The following NHEJ1 variants were observed in gnomAD, a reference collection of about 807,000 sequenced individuals.
The protein encoded by NHEJ1 is non-homologous end joining factor 1.
NHEJ1 carries 22 observed loss-of-function variants against 39.4 expected under a neutral mutation model. The ratio of observed to expected loss-of-function variants is 0.56; its 90% CI spans 0.40 to 0.80. The LOEUF (loss-of-function observed/expected upper bound fraction) is 0.80. NHEJ1 is among the 30% of genes least tolerant of loss of function. NHEJ1 has a pLI of 0.00. For synonymous variants in NHEJ1, 154 were observed against 135.6 expected (o/e 1.14, Z -0.94); for missense variants, 329 against 357.1 (o/e 0.92, Z 0.63).
intron 5 of NHEJ1, among the ~76,000 whole-genome samples, chr2:219,143,217 T>C (rs1949707671): frequency 6.6e-6 from 1 of 152,176 alleles, no homozygotes; most frequent in Non-Finnish European, 1.5e-5. Context: ...TGATGGCACA[T>C]CCTTTCAGTT....
chr2:219,153,693 G>C (rs1374228085), intron 3 of NHEJ1, among the ~76,000 whole-genome samples: 3 of 57,420 alleles, frequency 5.2e-5, no homozygotes, highest in South Asian at 5.7e-4. Context: ...AGAAAGAAAA[G>C]GGGGGGGGGG....
chr2:219,153,945 G>A (rs907100318), intron 3 of NHEJ1, among the ~76,000 whole-genome samples: 5 of 152,248 alleles, frequency 3.3e-5, no homozygotes, highest in Admixed American at 2.0e-4. Context: ...AATATTCCTT[G>A]ACCCAGCCAT....
intron 5 of NHEJ1, among the ~76,000 whole-genome samples, chr2:219,123,929 G>A (rs1949493744): frequency 6.6e-6 from 1 of 152,198 alleles, no homozygotes; most frequent in Non-Finnish European, 1.5e-5. Context: ...AATACTTGAA[G>A]TTTTATTAGT....
chr2:219,071,481 A>T lies in NHEJ1; in HGVS notation c.*4900T>A, dbSNP rs1559183401. Among the ~76,000 whole-genome samples, 1 of 152,376 alleles carries T rather than the reference A, an allele frequency of 6.6e-6. No homozygotes were observed. Among genetic ancestry groups the T allele is most frequent in the East Asian group, 1.9e-4 (1 of 5,192 alleles). ...ATTATAGGATCTGATTAACCATGTT[A>T]GACAACAATGCCGAGCTGGGATGGG... On this transcript the variant is annotated 3_prime_UTR_variant, in exon 8 of 8. Transcript: ENST00000356853.
At chr2:219,153,005 G>C (rs1415404464) in intron 3 of NHEJ1, among the ~76,000 whole-genome samples, 1 of 151,946 alleles carries the variant, frequency 6.6e-6, no homozygotes, top group Non-Finnish European at 1.5e-5. Context: ...GTTTCGCTAT[G>C]TTGGCCAGGC....
rs1195771768 is a variant in NHEJ1 at position 219,074,683 on chromosome 2, A to G, written c.*1698T>C. ...CTTGAACACAGGAGGTGGAGTTTGCAGTGAGCCAAAATTGTGCGATTGTAC... is the reference window on the plus strand; with the variant it reads ...CTTGAACACAGGAGGTGGAGTTTGCGGTGAGCCAAAATTGTGCGATTGTAC... On this transcript the variant is annotated 3_prime_UTR_variant, in exon 8 of 8. Coordinates refer to ENST00000356853, the MANE Select transcript of NHEJ1 (RefSeq NM_024782.3). Among the ~76,000 whole-genome samples, 1 of 151,942 alleles carries G rather than the reference A, an allele frequency of 6.6e-6. No homozygotes were observed. Among genetic ancestry groups the G allele is most frequent in the Non-Finnish European group, 1.5e-5 (1 of 68,010 alleles).
intron 5 of NHEJ1, among the ~76,000 whole-genome samples, chr2:219,088,618 G>T (rs1186678781): frequency 2.0e-5 from 3 of 152,182 alleles, no homozygotes; most frequent in Admixed American, 6.5e-5. Flanking sequence ...TAGAAGTCAG[G>T]ATAGTGTAGT....
chr2:219,077,589 G>A (rs772328055), intron 6 of NHEJ1, among the ~76,000 whole-genome samples: 15 of 151,998 alleles, frequency 9.9e-5, no homozygotes, highest in Non-Finnish European at 2.1e-4. Context: ...GAGTTTCCTC[G>A]ACTCAAAACA....
Position 219,070,483 on chromosome 2 carries a change from C to T in NHEJ1, c.*5898G>A, listed in dbSNP as rs1275877416. Among the ~76,000 whole-genome samples, 3 of 151,870 alleles carry T rather than the reference C, an allele frequency of 2.0e-5. No individual in the cohort carries two copies. Among genetic ancestry groups the T allele is most frequent in the Admixed American group, 6.6e-5 (1 of 15,238 alleles). ...CTGGGATTACAGGCGTGAGCCACTG[C>T]GCCTGGCCCACCACGCTAATTTTAA... On this transcript the variant is annotated 3_prime_UTR_variant, in exon 8 of 8. Coordinates refer to ENST00000356853, the MANE Select transcript of NHEJ1 (RefSeq NM_024782.3).
intron 5 of NHEJ1, among the ~76,000 whole-genome samples, chr2:219,135,120 T>G (rs1009597134): frequency 6.6e-6 from 1 of 150,508 alleles, no homozygotes; most frequent in Admixed American, 6.6e-5. Flanking sequence ...TAATTATAAA[T>G]AAGCCACTGA....
rs373488075 is a variant in NHEJ1, at chr2:219,132,646, T to C, written c.588+14034A>G. ...TCACACTTCAGGAAAGCCCCTTAGA[T>C]TGTGTAACTCAGTGAAAGATCTAGC... On this transcript the variant is annotated intron_variant, in intron 5 of 7. Coordinates refer to ENST00000356853, the MANE Select transcript of NHEJ1 (RefSeq NM_024782.3). Among the ~76,000 whole-genome samples the C allele has an allele frequency of 1.6e-3, 245 of 152,306 alleles. 2 individuals carry two copies. The highest frequency in any genetic ancestry group is 5.7e-3 in the African/African-American group (236 of 41,568).
At chr2:219,158,138 G>A (rs1949875222) in intron 2 of NHEJ1, 48 bp downstream of exon 2, 5 of 1,603,356 alleles carry the variant, frequency 3.1e-6, no homozygotes, top group Non-Finnish European at 4.3e-6. Context: ...CCAGCAAGCT[G>A]GTTGATGTTC....
intron 1 of NHEJ1, among the ~76,000 whole-genome samples, chr2:219,159,542 T>TATATGCATATATATGC (rs1553549804): frequency 2.9e-5 from 1 of 34,310 alleles, no homozygotes; most frequent in African/African-American, 7.4e-5. Flanking sequence ...TATATGCATA[T>TATATGCATATATATGC]ATATATATGC....
intron 4 of NHEJ1, among the ~76,000 whole-genome samples, chr2:219,147,264 G>A (rs368543989): frequency 6.6e-6 from 1 of 152,196 alleles, no homozygotes; most frequent in East Asian, 1.9e-4. Context: ...CAGATCACTT[G>A]AGGTCAGGAG....
rs1385858767 is a variant in NHEJ1 at position 219,069,386 on chromosome 2, A to T, written c.*6995T>A. 1 of 152,284 alleles carries T rather than the reference A, an allele frequency of 6.6e-6. No homozygotes were observed. Among genetic ancestry groups the T allele is most frequent in the East Asian group, 1.9e-4 (1 of 5,204 alleles). 9.4% of individuals were successfully genotyped at this position (152,284 alleles called of 1,614,324 possible). A position where few individuals can be genotyped will look rare whatever the true frequency, so the allele number is the denominator to read the frequency against. On this transcript the variant is annotated 3_prime_UTR_variant, in exon 8 of 8. Coordinates refer to ENST00000356853, the MANE Select transcript of NHEJ1 (RefSeq NM_024782.3). ...CCAAACGAAACGATTTAATCTGTTCATATAGGGTAGGGGTGGAGCAACAGC... is the reference window on the plus strand; with the variant it reads ...CCAAACGAAACGATTTAATCTGTTCTTATAGGGTAGGGGTGGAGCAACAGC...
At chr2:219,144,210 T>C (rs1374491307) in intron 5 of NHEJ1, among the ~76,000 whole-genome samples, 1 of 152,084 alleles carries the variant, frequency 6.6e-6, no homozygotes, top group East Asian at 1.9e-4. Flanking sequence ...GGCCACAGTG[T>C]CATAATCTGT....
intron 5 of NHEJ1, among the ~76,000 whole-genome samples, chr2:219,102,937 G>A (rs1258779694): frequency 5.6e-5 from 8 of 142,828 alleles, no homozygotes; most frequent in African/African-American, 8.2e-5. Flanking sequence ...CCCGGGAGGC[G>A]GAGCTTGCAG....
At chr2:219,141,957 T>C (rs1949695841) in intron 5 of NHEJ1, among the ~76,000 whole-genome samples, 1 of 152,178 alleles carries the variant, frequency 6.6e-6, no homozygotes, top group African/African-American at 2.4e-5. Context: ...CCAGGCGATA[T>C]AAGCTCTAGC....
intron 5 of NHEJ1, among the ~76,000 whole-genome samples, chr2:219,143,664 T>A (rs1391336911): frequency 6.6e-6 from 1 of 152,212 alleles, no homozygotes; most frequent in African/African-American, 2.4e-5. Flanking sequence ...TCTACAAGTC[T>A]ATGAGGTTGA....
Sources: allele counts gnomAD v4.1 joint callset (sites outside exome capture counted in the v4.1 genomes callset), GRCh38; gene constraint gnomAD v4.1.1; transcripts MANE v1.5; gene names NCBI Gene and HGNC (gene_info 2026-07-23, HGNC 2026-07-21).